RAB8B: variants seen among roughly 807,000 people sequenced by gnomAD.
RAB8B encodes ras-related protein Rab-8B.
RAB8B carries 11 observed loss-of-function variants against 32.0 expected under a neutral mutation model. That is an observed-to-expected ratio of 0.34 (90% confidence interval 0.22 to 0.57). The LOEUF is 0.57. Among genes scored for constraint, RAB8B ranks in the 20% least tolerant of loss-of-function variants. The pLI is 0.86. For missense variants in RAB8B, 190 were observed against 258.5 expected, an observed-to-expected ratio of 0.73 and a Z score of 1.82; for synonymous variants, 103 against 89.6, an observed-to-expected ratio of 1.15 and a Z score of -0.85.
intron 5 of RAB8B, among the ~76,000 whole-genome samples, chr15:63,257,199 T>C (rs2038164707): frequency 6.6e-6 from 1 of 152,218 alleles, no homozygotes; most frequent in Non-Finnish European, 1.5e-5. Flanking sequence ...GCTTCACTTT[T>C]TAAGTCTTGG....
chr15:63,223,286 A>G (rs567749417), intron 1 of RAB8B, among the ~76,000 whole-genome samples: 64 of 151,776 alleles, frequency 4.2e-4, no homozygotes, highest in Non-Finnish European at 7.8e-4. Context: ...TAATTTTTGT[A>G]TTTTTAGTAG....
At chr15:63,203,981 T>C (rs8028215) in intron 1 of RAB8B, among the ~76,000 whole-genome samples, 3,876 of 152,198 alleles carry the variant, frequency 0.025, 145 homozygotes, top group African/African-American at 0.081. Flanking sequence ...TTAGTTCCTC[T>C]TCTCTGCAGA....
intron 3 of RAB8B, among the ~76,000 whole-genome samples, chr15:63,252,146 G>A (rs1302157834): frequency 6.6e-6 from 1 of 151,008 alleles, no homozygotes; most frequent in African/African-American, 2.4e-5. Flanking sequence ...AGTTTTAACC[G>A]ATACACTTGA....
chr15:63,241,981 T>C (rs750878789), intron 1 of RAB8B, among the ~76,000 whole-genome samples: 1 of 151,694 alleles, frequency 6.6e-6, no homozygotes, highest in Non-Finnish European at 1.5e-5. Flanking sequence ...GGGAGGTGCC[T>C]TAGAGGAGAA....
At chr15:63,213,878 C>T (rs1245984056) in intron 1 of RAB8B, among the ~76,000 whole-genome samples, 3 of 152,048 alleles carry the variant, frequency 2.0e-5, no homozygotes, top group East Asian at 1.9e-4. Flanking sequence ...GTCAGGAGTT[C>T]GAGACCAGCC....
At chr15:63,242,801 A>G (rs1407991446) in intron 1 of RAB8B, among the ~76,000 whole-genome samples, 1 of 151,714 alleles carries the variant, frequency 6.6e-6, no homozygotes, top group Non-Finnish European at 1.5e-5. Flanking sequence ...GTGGTCCCCA[A>G]CCTTTTTGTC....
intron 1 of RAB8B, among the ~76,000 whole-genome samples, chr15:63,241,076 C>G (rs1378508998): frequency 2.6e-5 from 4 of 152,200 alleles, no homozygotes; most frequent in African/African-American, 9.7e-5. Flanking sequence ...GGCAGGCTAG[C>G]TCACACCTGT....
intron 1 of RAB8B, among the ~76,000 whole-genome samples, chr15:63,191,050 G>T (rs1290984149): frequency 6.6e-6 from 1 of 152,220 alleles, no homozygotes; most frequent in Non-Finnish European, 1.5e-5. Context: ...TGTTTTAGAA[G>T]TGACCACCTT....
chr15:63,200,417 CT>C (rs1255948438), intron 1 of RAB8B, among the ~76,000 whole-genome samples: 2 of 152,158 alleles, frequency 1.3e-5, no homozygotes, highest in East Asian at 3.8e-4. Context: ...AGAAAGATAA[CT>C]TATTGAAAAT....
At chr15:63,200,274 T>C (rs2037636470) in intron 1 of RAB8B, among the ~76,000 whole-genome samples, 1 of 152,238 alleles carries the variant, frequency 6.6e-6, no homozygotes, top group Non-Finnish European at 1.5e-5. Flanking sequence ...GAAGTAGCAT[T>C]AGTTAATTCA....
intron 3 of RAB8B, among the ~76,000 whole-genome samples, chr15:63,250,988 C>T (rs2038112714): frequency 6.6e-6 from 1 of 151,934 alleles, no homozygotes; most frequent in Non-Finnish European, 1.5e-5. Context: ...CCCTCACTGA[C>T]ATGCTGCCCT....
chr15:63,228,866 T>C (rs1413342349), intron 1 of RAB8B, among the ~76,000 whole-genome samples: 1 of 152,260 alleles, frequency 6.6e-6, no homozygotes, highest in Non-Finnish European at 1.5e-5. Context: ...TATAATATTT[T>C]CTTCAGAATT....
intron 1 of RAB8B, among the ~76,000 whole-genome samples, chr15:63,231,883 C>G (rs1361762341): frequency 6.6e-6 from 1 of 152,206 alleles, no homozygotes; most frequent in African/African-American, 2.4e-5. Context: ...TCTCTAAAAT[C>G]CACATTTTGA....
intron 1 of RAB8B, among the ~76,000 whole-genome samples, chr15:63,203,495 G>A (rs2037669942): frequency 6.6e-6 from 1 of 152,232 alleles, no homozygotes; most frequent in Non-Finnish European, 1.5e-5. Context: ...CACAAAAAGT[G>A]TGTAAATGCA....
chr15:63,192,504 C>T (rs1479314586), intron 1 of RAB8B, among the ~76,000 whole-genome samples: 7 of 152,178 alleles, frequency 4.6e-5, no homozygotes, highest in African/African-American at 1.7e-4. Flanking sequence ...TCTGCCATAG[C>T]ATTGCTGACA....
intron 7 of RAB8B, 29 bp downstream of exon 7, chr15:63,262,771 AT>A: frequency 8.3e-7 from 1 of 1,209,610 alleles, no homozygotes; most frequent in Non-Finnish European, 1.1e-6. Context: ...TTTTATTTCC[AT>A]TATGCTGTCT....
intron 1 of RAB8B, among the ~76,000 whole-genome samples, chr15:63,200,010 A>G (rs1369458262): frequency 2.6e-5 from 4 of 152,184 alleles, no homozygotes; most frequent in Admixed American, 2.6e-4. Context: ...GTGACAAACA[A>G]TTGGTTTGTG....
At chr15:63,232,414 C>T (rs1056597868) in intron 1 of RAB8B, among the ~76,000 whole-genome samples, 7 of 152,064 alleles carry the variant, frequency 4.6e-5, no homozygotes, top group African/African-American at 1.7e-4. Flanking sequence ...TTAGTAAATT[C>T]TTCCTAATTT....
intron 1 of RAB8B, among the ~76,000 whole-genome samples, chr15:63,199,791 A>G (rs1395329931): frequency 1.3e-5 from 2 of 151,982 alleles, no homozygotes; most frequent in Non-Finnish European, 1.5e-5. Context: ...CCTGTTGCCC[A>G]GGTTGGTCTT....
Sources: gnomAD v4.1 joint callset for allele counts (sites outside exome capture counted in the v4.1 genomes callset) on GRCh38, gnomAD v4.1.1 for gene constraint, MANE v1.5 for transcripts, NCBI Gene and HGNC (gene_info 2026-07-23, HGNC 2026-07-21) for gene names.